ADAMTS6: variants seen among roughly 807,000 people sequenced by gnomAD.
ADAMTS6 encodes A disintegrin and metalloproteinase with thrombospondin motifs 6.
Under a neutral mutation model 144.3 loss-of-function variants are expected in ADAMTS6, and 23 were observed. The observed-to-expected ratio is 0.16, with a 90% CI of 0.11 to 0.23. The LOEUF (loss-of-function observed/expected upper bound fraction) is 0.23, where lower values mean the gene tolerates loss of function less well. Among genes scored for constraint, ADAMTS6 ranks in the 10% least tolerant of loss-of-function variants. The pLI is 1.00. For synonymous variants in ADAMTS6, 444 were observed against 457.5 expected, an observed-to-expected ratio of 0.97 and a Z score of 0.38; for missense variants, 999 against 1,379.6, an observed-to-expected ratio of 0.72 and a Z score of 4.37.
At chr5:65,418,667 ATATCCAGAATC>A (rs1755756715) in intron 7 of ADAMTS6, among the ~76,000 whole-genome samples, 1 of 152,312 alleles carries the variant, frequency 6.6e-6, no homozygotes, top group East Asian at 1.9e-4. Context: ...GACAGGTCTA[ATATCCAGAATC>A]TACCAGGAAC....
chr5:65,398,805 AAAGAAAGAAAGAAAG>A (rs548767486), intron 7 of ADAMTS6, among the ~76,000 whole-genome samples: 4,912 of 114,734 alleles, frequency 0.043, 428 homozygotes, highest in African/African-American at 0.14. Flanking sequence ...AGAAAGAAAG[AAAGAAAGAAAGAAAG>A]AAAGAAAGAA....
intron 7 of ADAMTS6, among the ~76,000 whole-genome samples, chr5:65,448,248 T>C (rs1345702372): frequency 1.3e-5 from 2 of 152,116 alleles, no homozygotes; most frequent in East Asian, 3.8e-4. Context: ...AGTGATCTGA[T>C]AGCTTTGCGG....
intron 7 of ADAMTS6, among the ~76,000 whole-genome samples, chr5:65,435,949 A>G (rs1300553553): frequency 6.6e-6 from 1 of 152,172 alleles, no homozygotes; most frequent in African/African-American, 2.4e-5. Flanking sequence ...AATAAAAACA[A>G]TGAATATTTT....
At chr5:65,290,328 A>T (rs990161263) in intron 11 of ADAMTS6, among the ~76,000 whole-genome samples, 1 of 152,186 alleles carries the variant, frequency 6.6e-6, no homozygotes, top group African/African-American at 2.4e-5. Context: ...AGGTGGGCAG[A>T]TCACTTGAGG....
At chr5:65,358,154 G>A (rs915993293) in intron 7 of ADAMTS6, among the ~76,000 whole-genome samples, 1 of 151,822 alleles carries the variant, frequency 6.6e-6, no homozygotes, top group African/African-American at 2.4e-5. Context: ...ATTCATCCTG[G>A]GGATGCAGGA....
intron 9 of ADAMTS6, among the ~76,000 whole-genome samples, chr5:65,328,950 CA>C (rs1746442022): frequency 2.6e-5 from 4 of 151,826 alleles, no homozygotes; most frequent in African/African-American, 9.7e-5. Context: ...AGTTACATAG[CA>C]ATGTCTGCAC....
chr5:65,388,156 C>T (rs1752628202), intron 7 of ADAMTS6, among the ~76,000 whole-genome samples: 1 of 152,068 alleles, frequency 6.6e-6, no homozygotes, highest in Admixed American at 6.6e-5. Context: ...TTGCGGTGAG[C>T]CAAGATCGCG....
At chr5:65,169,513 T>A (rs1415107868) in intron 24 of ADAMTS6, among the ~76,000 whole-genome samples, 1 of 135,176 alleles carries the variant, frequency 7.4e-6, no homozygotes, top group African/African-American at 3.0e-5. Context: ...AAATACCATT[T>A]GACCCAGCCA....
chr5:65,185,435 C>T (rs1754616861), intron 22 of ADAMTS6, among the ~76,000 whole-genome samples: 1 of 152,144 alleles, frequency 6.6e-6, no homozygotes, highest in Non-Finnish European at 1.5e-5. Flanking sequence ...ACAGTAACAG[C>T]AGCAGTTTTC....
chr5:65,405,886 G>A (rs1436452298), intron 7 of ADAMTS6, among the ~76,000 whole-genome samples: 1 of 152,076 alleles, frequency 6.6e-6, no homozygotes, highest in Non-Finnish European at 1.5e-5. Flanking sequence ...GGATTCCTAG[G>A]TATTTTCTTC....
At chr5:65,273,208 T>C (rs1279847504) in intron 12 of ADAMTS6, 132 bp downstream of exon 12, 2 of 753,856 alleles carry the variant, frequency 2.7e-6, no homozygotes, top group Non-Finnish European at 4.4e-6. Context: ...AATTAACCTA[T>C]TGTTCTAGGA....
At chr5:65,405,963 A>G (rs925264856) in intron 7 of ADAMTS6, among the ~76,000 whole-genome samples, 1 of 152,330 alleles carries the variant, frequency 6.6e-6, no homozygotes, top group Non-Finnish European at 1.5e-5. Flanking sequence ...TTATTGGTGT[A>G]TAAGAATGCT....
intron 22 of ADAMTS6, among the ~76,000 whole-genome samples, chr5:65,175,300 C>G (rs541017883): frequency 6.7e-6 from 1 of 148,506 alleles, no homozygotes; most frequent in East Asian, 2.0e-4. Flanking sequence ...GGCAGAGAGG[C>G]AGAAAGAGAC....
Position 65,299,997 on chromosome 5 carries a change from G to A in ADAMTS6, c.1358C>T (p.Thr453Ile). ...AGAGATTACTTACTCTAGAAAGCTG[G>A]TGATGTAGTCTCGACTGCAAGCAGA... ...SWSACSRDYI[T>I]SFLDSGRGTC... Residue 453 changes from threonine (T) to isoleucine (I), a missense_variant, in exon 10 of 25, where the codon ACC (threonine) becomes ATC (isoleucine). By Grantham distance (89) the Thr-to-Ile change is moderately conservative. Coordinates refer to ENST00000381055, the MANE Select transcript of ADAMTS6 (RefSeq NM_197941.4). 1.2e-6 allele frequency: 2 copies of A among 1,613,538 alleles called. No homozygotes were observed. The highest frequency in any genetic ancestry group is 1.3e-5 in the African/African-American group (1 of 74,992).
chr5:65,181,433 T>C (rs185917317), intron 22 of ADAMTS6, among the ~76,000 whole-genome samples: 1 of 152,330 alleles, frequency 6.6e-6, no homozygotes, highest in East Asian at 1.9e-4. Context: ...ACAAAAACAC[T>C]ACTATACTAC....
chr5:65,334,223 T>C, intron 7 of ADAMTS6, 138 bp from the exon 8 acceptor site: 1 of 956,178 alleles, frequency 1.0e-6, no homozygotes, highest in Non-Finnish European at 1.5e-6. Context: ...TGTCGGCATT[T>C]TCAGCACTCT....
intron 11 of ADAMTS6, among the ~76,000 whole-genome samples, chr5:65,286,903 T>C (rs929420625): frequency 1.2e-4 from 19 of 152,326 alleles, no homozygotes; most frequent in African/African-American, 4.3e-4. Context: ...TGTAATTCTT[T>C]TCTAATAAAA....
chr5:65,374,698 A>G (rs991868147), intron 7 of ADAMTS6, among the ~76,000 whole-genome samples: 9 of 152,232 alleles, frequency 5.9e-5, no homozygotes, highest in Admixed American at 4.6e-4. Context: ...CGTAATTTAC[A>G]GATTCAATGC....
chr5:65,226,396 C>A (rs1413357986), intron 15 of ADAMTS6, among the ~76,000 whole-genome samples, 177 bp from the exon 16 acceptor site: 1 of 151,898 alleles, frequency 6.6e-6, no homozygotes, highest in Non-Finnish European at 1.5e-5. Context: ...ATTGGTGGTG[C>A]AACTTAAAGG....
Sources: gnomAD v4.1 joint callset for allele counts (sites outside exome capture counted in the v4.1 genomes callset) on GRCh38, gnomAD v4.1.1 for gene constraint, MANE v1.5 for transcripts, NCBI Gene and HGNC (gene_info 2026-07-23, HGNC 2026-07-21) for gene names.